The following QKI variants were observed in gnomAD, a reference collection of about 807,000 sequenced individuals.
The protein encoded by QKI is KH domain-containing RNA-binding protein QKI.
In QKI, 10 loss-of-function variants were observed where a neutral mutation model predicts 39.0. That is an observed-to-expected ratio of 0.26 (90% CI 0.16 to 0.43). The LOEUF is 0.43. Ranked by LOEUF, QKI falls within the 20% of genes least tolerant of loss-of-function variation. The pLI is 1.00. For synonymous variants in QKI, 204 were observed against 155.4 expected (o/e 1.31, Z -2.33); for missense variants, 218 against 428.0 (o/e 0.51, Z 4.33).
chr6:163,415,097 C>A lies in QKI; in HGVS notation c.-97C>A, dbSNP rs1582936978. 2.0e-6 allele frequency: 2 copies of A among 1,020,130 alleles called. No homozygotes were observed. Among genetic ancestry groups the A allele is most frequent in the Non-Finnish European group, 2.4e-6 (2 of 849,896 alleles). The allele number at this position is 1,020,130 out of a possible 1,614,324, so 63.2% of individuals were successfully genotyped here. A position where few individuals can be genotyped will look rare whatever the true frequency, so the allele number is the denominator to read the frequency against. On this transcript the variant is annotated 5_prime_UTR_variant, in exon 1 of 8. Coordinates refer to ENST00000361752, the MANE Select transcript of QKI (RefSeq NM_006775.3). ...GCCGGCGCGGAGCGGGACGCCGGGT[C>A]CCGAGCGGCCCGCGGCCGGGGCTCG...
chr6:163,566,995 A>C (rs1783402464), intron 7 of QKI, 200 bp downstream of exon 7: 1 of 1,328,928 alleles, frequency 7.5e-7, no homozygotes, highest in Non-Finnish European at 9.6e-7. Flanking sequence ...TCATATTTTA[A>C]CTTATTAAAT....
intron 4 of QKI, among the ~76,000 whole-genome samples, chr6:163,556,215 A>G (rs976963845): frequency 1.3e-5 from 2 of 152,202 alleles, no homozygotes; most frequent in African/African-American, 4.8e-5. Context: ...CATAGCTGTT[A>G]AACATAGTTG....
At chr6:163,514,750 AAATC>A (rs1779686349) in intron 3 of QKI, among the ~76,000 whole-genome samples, 1 of 152,214 alleles carries the variant, frequency 6.6e-6, no homozygotes, top group Non-Finnish European at 1.5e-5. Context: ...ATGCAAAAAT[AAATC>A]TTTTGATGGA....
intron 3 of QKI, among the ~76,000 whole-genome samples, chr6:163,487,823 T>A (rs1459394258): frequency 6.6e-6 from 1 of 152,182 alleles, no homozygotes; most frequent in Non-Finnish European, 1.5e-5. Context: ...TGGTAGTACA[T>A]AAAGTCTCAT....
intron 1 of QKI, among the ~76,000 whole-genome samples, chr6:163,436,647 C>T (rs150496404): frequency 1.3e-5 from 2 of 152,016 alleles, no homozygotes; most frequent in East Asian, 3.9e-4. Context: ...AACTCCATCT[C>T]TACTAAAACT....
chr6:163,527,067 T>C (rs1780563208), intron 3 of QKI, among the ~76,000 whole-genome samples: 1 of 152,208 alleles, frequency 6.6e-6, no homozygotes, highest in South Asian at 2.1e-4. Context: ...AATAAGTATT[T>C]GTTGAATGCC....
intron 3 of QKI, among the ~76,000 whole-genome samples, chr6:163,530,728 G>GTC (rs959063953): frequency 3.3e-5 from 5 of 152,072 alleles, no homozygotes; most frequent in African/African-American, 1.2e-4. Flanking sequence ...GGGTTGGTCG[G>GTC]TCTCTCTCTT....
chr6:163,558,263 T>TA (rs1782760905), intron 4 of QKI, among the ~76,000 whole-genome samples: 1 of 152,180 alleles, frequency 6.6e-6, no homozygotes, highest in Admixed American at 6.5e-5. Flanking sequence ...AAAGAGGTGA[T>TA]ATATACCTTC....
intron 4 of QKI, among the ~76,000 whole-genome samples, chr6:163,558,915 G>GC (rs1782818147): frequency 1.3e-5 from 2 of 151,984 alleles, no homozygotes; most frequent in Non-Finnish European, 2.9e-5. Context: ...ATCACCTCCA[G>GC]CAACACCATA....
At position 163,563,466 on chromosome 6, in the gene QKI, G is replaced by A. The variant is rs183260251; in HGVS notation, c.681G>A (p.Arg227=). The A allele has an allele frequency of 6.7e-5, 108 of 1,613,932 alleles. No individual in the cohort carries two copies. In the Admixed American group the frequency reaches 1.8e-3, roughly 27 times the overall value. The change falls in exon 6 of 8, where the codon AGG becomes AGA. Residue 227 remains arginine (R), a synonymous_variant. Coordinates refer to ENST00000361752, the MANE Select transcript of QKI (RefSeq NM_006775.3). ...SLAATAQAAP[R]IITGPAPVLP... ...CAGCAACAGCCCAGGCTGCTCCAAGGATCATTACTGGGCCTGCGCCGGTTC... is the reference window on the plus strand; with the variant it reads ...CAGCAACAGCCCAGGCTGCTCCAAGAATCATTACTGGGCCTGCGCCGGTTC...
chr6:163,576,351 A>C lies in QKI; in HGVS notation c.*5641A>C, dbSNP rs9356120. On this transcript the variant is annotated 3_prime_UTR_variant, in exon 8 of 8. Coordinates refer to ENST00000361752, the MANE Select transcript of QKI (RefSeq NM_006775.3). Reference sequence around the variant, plus strand: ...GAATGAATTAATTCATAGTAGAAGGAGGCGATAGGTGCAGCAAAGGGCAGC... The same window carrying C: ...GAATGAATTAATTCATAGTAGAAGGCGGCGATAGGTGCAGCAAAGGGCAGC... 104,967 of 151,632 alleles carry C rather than the reference A, an allele frequency of 0.69. 37,358 individuals carry two copies. The highest frequency in any genetic ancestry group is 1 in the East Asian group (5,141 of 5,160). The allele number at this position is 151,632 out of a possible 1,614,324, so 9.4% of individuals were successfully genotyped here.
chr6:163,423,696 C>G (rs534139256), intron 1 of QKI: 1 of 152,208 alleles, frequency 6.6e-6, no homozygotes, highest in Non-Finnish European at 1.5e-5. Context: ...TTAACGATAA[C>G]TTTCTAATTA....
At chr6:163,568,126 T>TG in intron 7 of QKI, 1 of 985,406 alleles carries the variant, frequency 1.0e-6, no homozygotes, top group Non-Finnish European at 1.2e-6. Flanking sequence ...CTCATAGGGA[T>TG]GGGGAAGTTT....
chr6:163,447,976 T>C (rs1790275185), intron 1 of QKI, among the ~76,000 whole-genome samples: 1 of 152,150 alleles, frequency 6.6e-6, no homozygotes, highest in African/African-American at 2.4e-5. Flanking sequence ...TTTTTGACTT[T>C]GTTGTGTCTA....
In QKI at chr6:163,563,472, T is replaced by G; in HGVS notation, c.687T>G (p.Ile229Met). ...AATAQAAPRI[I>M]TGPAPVLPPA... The stretch of plus-strand genomic sequence containing the variant: ...CAGCCCAGGCTGCTCCAAGGATCAT[T>G]ACTGGGCCTGCGCCGGTTCTCCCAC... Residue 229 changes from isoleucine to methionine, a missense_variant, in exon 6 of 8, where the codon ATT becomes ATG. Ile to Met is a conservative substitution (Grantham distance 10). This residue lies in a region of QKI where 117 missense variants were observed against 186.0 expected (regional missense o/e 0.63). Coordinates refer to ENST00000361752, the MANE Select transcript of QKI (RefSeq NM_006775.3). The G allele has an allele frequency of 6.2e-7, 1 of 1,614,040 alleles. No homozygotes were observed. Among genetic ancestry groups the G allele is most frequent in the African/African-American group, 1.3e-5 (1 of 75,068 alleles).
chr6:163,543,220 C>G (rs1781654751), intron 4 of QKI, among the ~76,000 whole-genome samples: 1 of 151,966 alleles, frequency 6.6e-6, no homozygotes, highest in Admixed American at 6.6e-5. Context: ...AGTCCTTGAT[C>G]AAATATTGAT....
intron 4 of QKI, among the ~76,000 whole-genome samples, chr6:163,540,431 G>A (rs1236860949): frequency 1.3e-5 from 2 of 152,094 alleles, no homozygotes; most frequent in Non-Finnish European, 2.9e-5. Flanking sequence ...TCATCAGTTT[G>A]CATAACTTTA....
In QKI at chr6:163,577,418, G is replaced by T. The variant is rs1777640851; in HGVS notation, c.*6708G>T. On this transcript the variant is annotated 3_prime_UTR_variant, in exon 8 of 8. Coordinates refer to ENST00000361752, the MANE Select transcript of QKI (RefSeq NM_006775.3). Reference sequence around the variant, plus strand: ...GACTTAAAAAAAAAAAAGTCTGATTGCCCATATTAGATTTTTTTTTTAATT... The same window carrying T: ...GACTTAAAAAAAAAAAAGTCTGATTTCCCATATTAGATTTTTTTTTTAATT... 2 of 151,620 alleles carry T rather than the reference G, an allele frequency of 1.3e-5. No individual in the cohort carries two copies. Among genetic ancestry groups the T allele is most frequent in the Admixed American group, 6.6e-5 (1 of 15,234 alleles). The allele number at this position is 151,620 out of a possible 1,614,324, so 9.4% of individuals were successfully genotyped here.
chr6:163,499,333 A>G (rs1004652549), intron 3 of QKI, among the ~76,000 whole-genome samples: 2 of 152,210 alleles, frequency 1.3e-5, no homozygotes, highest in Non-Finnish European at 2.9e-5. Context: ...CTGATAAACC[A>G]AAGCTAATCT....
Sources: allele counts gnomAD v4.1 joint callset (sites outside exome capture counted in the v4.1 genomes callset), GRCh38; gene constraint gnomAD v4.1.1; regional missense constraint gnomAD v4.1.1; transcripts MANE v1.5; gene names NCBI Gene and HGNC (gene_info 2026-07-23, HGNC 2026-07-21).